EBF3: variants seen among roughly 807,000 people sequenced by gnomAD.
EBF3 encodes EBF transcription factor 3, also known as transcription factor COE3.
EBF3 carries 18 observed loss-of-function variants against 77.1 expected under a neutral mutation model. That is an observed-to-expected ratio of 0.23 (90% CI 0.16 to 0.35). EBF3 has a LOEUF of 0.35. Among genes scored for constraint, EBF3 ranks in the 10% least tolerant of loss-of-function variants. EBF3 has a pLI of 1.00. For missense variants in EBF3, 558 were observed against 860.0 expected (o/e 0.65, Z 4.39); for synonymous variants, 350 against 343.5 (o/e 1.02, Z -0.21).
At chr10:129,845,849 T>C (rs1850416099) in intron 11 of EBF3, 1 of 151,990 alleles carries the variant, frequency 6.6e-6, no homozygotes, top group South Asian at 2.1e-4. Flanking sequence ...GGTAAAATCA[T>C]TTTATGACTA....
Position 129,924,448 on chromosome 10 carries a change from A to G in EBF3, c.554+32810T>C, listed in dbSNP as rs1039311268. Among the ~76,000 whole-genome samples the G allele has an allele frequency of 2.6e-5, 4 of 151,566 alleles. No individual in the cohort carries two copies. The East Asian group carries it at 7.8e-4, about 29-fold the overall frequency. ...ACAACAACAAAAAAAAAAAAAAACA[A>G]AAAACAAAAAACAGAAAATAGGTAC... On this transcript the variant is annotated intron_variant, in intron 6 of 16. Transcript: ENST00000440978.
chr10:129,867,505 C>T (rs762019091), intron 9 of EBF3, among the ~76,000 whole-genome samples: 46 of 152,208 alleles, frequency 3.0e-4, no homozygotes, highest in Non-Finnish European at 5.4e-4. Flanking sequence ...ATGAAAATTG[C>T]CACCATATGT....
chr10:129,919,061 T>C (rs1856088488), intron 6 of EBF3, among the ~76,000 whole-genome samples: 1 of 152,178 alleles, frequency 6.6e-6, no homozygotes, highest in African/African-American at 2.4e-5. Context: ...CAGCCATGAC[T>C]GAGACTCTCT....
intron 4 of EBF3, among the ~76,000 whole-genome samples, chr10:129,961,574 G>C (rs987808842): frequency 1.4e-4 from 22 of 152,226 alleles, no homozygotes; most frequent in African/African-American, 5.3e-4. Context: ...GTGGGAGAGG[G>C]GGCAGAGCAG....
At chr10:129,934,557 T>C (rs190095860) in intron 6 of EBF3, among the ~76,000 whole-genome samples, 98 of 152,222 alleles carry the variant, frequency 6.4e-4, no homozygotes, top group South Asian at 2.1e-3. Flanking sequence ...CTCTGGGTAA[T>C]TGTTTGACTA....
intron 10 of EBF3, among the ~76,000 whole-genome samples, chr10:129,854,263 A>T (rs1344842548): frequency 6.6e-6 from 1 of 152,098 alleles, no homozygotes; most frequent in Non-Finnish European, 1.5e-5. Flanking sequence ...AATTTCAAAG[A>T]TCTGCTGCAA....
intron 14 of EBF3, 53 bp from the exon 15 acceptor site, chr10:129,840,495 C>T (rs1156763075): frequency 1.3e-6 from 2 of 1,525,722 alleles, no homozygotes; most frequent in South Asian, 1.2e-5. Context: ...AGCGCCACGG[C>T]GAGAGGGCAC....
intron 5 of EBF3, 36 bp from the exon 6 acceptor site, chr10:129,957,362 AT>A (rs768068859): frequency 1.3e-6 from 2 of 1,526,356 alleles, no homozygotes; most frequent in Non-Finnish European, 1.8e-6. Context: ...TTTAATATGC[AT>A]TTCCCCCTTT....
intron 6 of EBF3, among the ~76,000 whole-genome samples, chr10:129,911,968 A>T (rs1414528673): frequency 6.6e-6 from 1 of 152,152 alleles, no homozygotes; most frequent in Non-Finnish European, 1.5e-5. Flanking sequence ...GCCCAGCAAG[A>T]ACACGTGACC....
chr10:129,932,414 C>T (rs1214114232), intron 6 of EBF3, among the ~76,000 whole-genome samples: 5 of 152,146 alleles, frequency 3.3e-5, no homozygotes, highest in Non-Finnish European at 7.3e-5. Context: ...GCAGAGCGGC[C>T]GCCGATCTGA....
rs150173087 is a variant in EBF3, at chr10:129,843,458, G to C, written c.1129-256C>G. 135 of 432,702 alleles carry C rather than the reference G, an allele frequency of 3.1e-4. 2 individuals are homozygous for C. The East Asian group carries it at 3.6e-3, about 12-fold the overall frequency. The allele number at this position is 432,702 out of a possible 1,614,324, so 26.8% of individuals were successfully genotyped here. Reference sequence around the variant, plus strand: ...TCCATCCGGTTGGGCTCACAGAGGTGCACGGACAAGCGGGAGGGCCGGCGG... The same window carrying C: ...TCCATCCGGTTGGGCTCACAGAGGTCCACGGACAAGCGGGAGGGCCGGCGG... On this transcript the variant is annotated intron_variant, in intron 11 of 16. Transcript: ENST00000440978.
rs928700812 is a variant in EBF3 at position 129,952,454 on chromosome 10, C to T, written c.554+4804G>A. Among the ~76,000 whole-genome samples the T allele has an allele frequency of 1.3e-5, 2 of 152,186 alleles. No individual in the cohort carries two copies. Among genetic ancestry groups the T allele is most frequent in the Admixed American group, 1.3e-4 (2 of 15,280 alleles). On this transcript the variant is annotated intron_variant, in intron 6 of 16. Transcript: ENST00000440978. This position sits in a 1 kb window ranked among gnomAD's most constrained non-coding sequence, Gnocchi z 4.7. ...CGGGGCTTAGCCAAAATGTAAATGA[C>T]ATTAAAGAAGACAATGAATTTAATT...
Position 129,947,128 on chromosome 10 carries a change from G to GA in EBF3, c.554+10129dup, listed in dbSNP as rs980137970. On this transcript the variant is annotated intron_variant, in intron 6 of 16. Coordinates refer to ENST00000440978, the MANE Select transcript of EBF3 (RefSeq NM_001375380.1). The surrounding 1 kb of genome is among the most constrained non-coding windows in gnomAD (Gnocchi z 4.5). ...GTCAGGGGACGAGCCGCTTCATTGAGAAAATGGAAATGGACAGGGAGCTCC... is the reference window on the plus strand; with the variant it reads ...GTCAGGGGACGAGCCGCTTCATTGAGAAAAATGGAAATGGACAGGGAGCTCC... Among the ~76,000 whole-genome samples, 2 of 152,232 alleles carry GA rather than the reference G, an allele frequency of 1.3e-5. No individual in the cohort carries two copies. The highest frequency in any genetic ancestry group is 4.8e-5 in the African/African-American group (2 of 41,460).
Position 129,963,417 on chromosome 10 carries a change from G to C in EBF3, c.241C>G (p.Pro81Ala), listed in dbSNP as rs768063035. The change falls in exon 2 of 17, where the codon CCG (proline) becomes GCG (alanine). Residue 81 changes from proline to alanine, a missense_variant. Around this residue, in one of 5 missense-constraint regions of EBF3, gnomAD observed 84 missense variants for 142.3 expected, o/e 0.59. Transcript: ENST00000440978. The surrounding 1 kb of genome is among the most constrained non-coding windows in gnomAD (Gnocchi z 7.1). ...VLALYDRQGQ[P>A]VEIERTAFVD... ...AAAGCGGTCCTTTCAATCTCCACCG[G>C]CTGCCCCTGCCTATCGTAGAGCGCC... 1.3e-6 allele frequency: 2 copies of C among 1,592,652 alleles called. No homozygotes were observed. Among genetic ancestry groups the C allele is most frequent in the Middle Eastern group, 1.7e-4 (1 of 5,978 alleles).
chr10:129,905,994 G>A (rs1158986490), intron 6 of EBF3, among the ~76,000 whole-genome samples: 1 of 152,138 alleles, frequency 6.6e-6, no homozygotes, highest in African/African-American at 2.4e-5. Flanking sequence ...AGAATAGATG[G>A]CCACAAGAAA....
intron 6 of EBF3, among the ~76,000 whole-genome samples, chr10:129,910,766 C>G (rs1413485067): frequency 6.6e-6 from 1 of 152,116 alleles, no homozygotes; most frequent in African/African-American, 2.4e-5. Flanking sequence ...CACACTGAGA[C>G]AGCACCCTAA....
Position 129,848,600 on chromosome 10 carries a change from C to T in EBF3, c.1040-120G>A, listed in dbSNP as rs1850639831. 9.7e-7 allele frequency: 1 copy of T among 1,034,230 alleles called. No individual in the cohort carries two copies. Among genetic ancestry groups the T allele is most frequent in the African/African-American group, 1.6e-5 (1 of 63,598 alleles). The allele number at this position is 1,034,230 out of a possible 1,614,324, so 64.1% of individuals were successfully genotyped here. On this transcript the variant is annotated intron_variant, in intron 10 of 16. Coordinates refer to ENST00000440978, the MANE Select transcript of EBF3 (RefSeq NM_001375380.1). The surrounding 1 kb of genome is among the most constrained non-coding windows in gnomAD (Gnocchi z 4.4). Reference sequence around the variant, plus strand: ...CTGCTCTGATGCTCTCTAAGGCAAGCACCCCTGAATACTAGCTGTGTCTTA... The same window carrying T: ...CTGCTCTGATGCTCTCTAAGGCAAGTACCCCTGAATACTAGCTGTGTCTTA...
At chr10:129,953,087 GA>G (rs943822527) in intron 6 of EBF3, among the ~76,000 whole-genome samples, 2 of 148,882 alleles carry the variant, frequency 1.3e-5, no homozygotes, top group African/African-American at 5.0e-5. Context: ...AAGAAAGACA[GA>G]AAAAAAAATC....
At chr10:129,893,455 T>A (rs1438255509) in intron 6 of EBF3, among the ~76,000 whole-genome samples, 1 of 152,242 alleles carries the variant, frequency 6.6e-6, no homozygotes, top group African/African-American at 2.4e-5. Context: ...ATGAATAAAT[T>A]TGAATTGCAA....
Sources: allele counts gnomAD v4.1 joint callset (sites outside exome capture counted in the v4.1 genomes callset), GRCh38; gene constraint gnomAD v4.1.1; regional missense constraint gnomAD v4.1.1; non-coding constraint Gnocchi (gnomAD v3.1); transcripts MANE v1.5; gene names NCBI Gene and HGNC (gene_info 2026-07-23, HGNC 2026-07-21).